Variants in ZNF506 observed in about 807,000 individuals in gnomAD.
The protein encoded by ZNF506 is zinc finger protein 506.
A neutral mutation model predicts 11.6 loss-of-function variants in ZNF506; 10 were observed. The observed-to-expected ratio is 0.86, with a 90% CI of 0.53 to 1.46. ZNF506 has a LOEUF of 1.46. Ranked by LOEUF, ZNF506 falls within the 40% of genes most tolerant of loss-of-function variation. The pLI is 0.00. For synonymous variants in ZNF506, 156 were observed against 173.3 expected (o/e 0.90, Z 0.78); for missense variants, 425 against 521.2 (o/e 0.82, Z 1.80).
intron 1 of ZNF506, among the ~76,000 whole-genome samples, chr19:19,807,652 G>T (rs529146511): frequency 6.6e-6 from 1 of 151,866 alleles, no homozygotes; most frequent in African/African-American, 2.4e-5. Context: ...GATTAGTCAT[G>T]CGCCACCATG....
chr19:19,817,399 C>A (rs1489448335), intron 1 of ZNF506, among the ~76,000 whole-genome samples: 2 of 151,394 alleles, frequency 1.3e-5, no homozygotes, highest in South Asian at 2.1e-4. Flanking sequence ...CCTCTCGTTG[C>A]AATACTTTTT....
Position 19,807,105 on chromosome 19 carries a change from C to G in ZNF506, c.4-37G>C, listed in dbSNP as rs371495099. ...ACACACACTTATTTTTACCAAGTGG[C>G]CATGGGTGGAATTTTTAATTTGACT... On this transcript the variant is annotated intron_variant, in intron 1 of 3. Coordinates refer to ENST00000540806, the MANE Select transcript of ZNF506 (RefSeq NM_001099269.3). The G allele has an allele frequency of 3.7e-6, 6 of 1,609,290 alleles. No homozygotes were observed. The African/African-American group carries it at 8.0e-5, about 22-fold the overall frequency.
intron 1 of ZNF506, among the ~76,000 whole-genome samples, chr19:19,808,703 C>T (rs1361756476): frequency 1.3e-5 from 2 of 151,224 alleles, no homozygotes; most frequent in Admixed American, 6.6e-5. Context: ...ATTAGCCGGG[C>T]GTGGTGGCGG....
chr19:19,818,074 C>T (rs888920859), intron 1 of ZNF506, among the ~76,000 whole-genome samples: 1 of 151,398 alleles, frequency 6.6e-6, no homozygotes, highest in Admixed American at 6.6e-5. Context: ...GTGATCAACC[C>T]CCCTCGGCCT....
intron 1 of ZNF506, among the ~76,000 whole-genome samples, chr19:19,813,817 AAG>A (rs1391691364): frequency 6.6e-6 from 1 of 152,032 alleles, no homozygotes; most frequent in African/African-American, 2.4e-5. Flanking sequence ...AGAAAATACA[AAG>A]AGAAAAACTG....
intron 3 of ZNF506, chr19:19,799,189 G>GT (rs1432521251): frequency 4.6e-5 from 15 of 322,962 alleles, no homozygotes; most frequent in African/African-American, 3.2e-4. Context: ...ATTTGTGCGT[G>GT]TGTGTGTCTC....
At chr19:19,821,528 A>C in intron 1 of ZNF506, 73 bp downstream of exon 1, 23 of 1,602,874 alleles carry the variant, frequency 1.4e-5, no homozygotes, top group Non-Finnish European at 1.7e-5. Context: ...CCACTGCCAC[A>C]GCCACAGCCA....
chr19:19,815,777 T>A (rs549446101), intron 1 of ZNF506, among the ~76,000 whole-genome samples: 22 of 152,362 alleles, frequency 1.4e-4, no homozygotes, highest in African/African-American at 5.3e-4. Context: ...TCTGAGCTAC[T>A]GTTTAAAACC....
At chr19:19,814,128 G>GC (rs1232888033) in intron 1 of ZNF506, among the ~76,000 whole-genome samples, 1 of 152,030 alleles carries the variant, frequency 6.6e-6, no homozygotes, top group African/African-American at 2.4e-5. Flanking sequence ...AAATGCAGAG[G>GC]CTGCGTGTGA....
intron 1 of ZNF506, among the ~76,000 whole-genome samples, chr19:19,815,361 G>A (rs1212791608): frequency 6.6e-6 from 1 of 152,210 alleles, no homozygotes; most frequent in African/African-American, 2.4e-5. Flanking sequence ...AATGTCTAGT[G>A]TGTGTGTTCG....
intron 1 of ZNF506, chr19:19,820,411 C>G (rs2062959767): frequency 1.3e-5 from 2 of 151,842 alleles, no homozygotes; most frequent in East Asian, 2.0e-4. Context: ...AACTACCTAA[C>G]TAGGCTGGGC....
intron 1 of ZNF506, chr19:19,820,243 G>C (rs968448772): frequency 5.9e-5 from 9 of 152,098 alleles, no homozygotes; most frequent in African/African-American, 2.2e-4. Flanking sequence ...CTAGTCCCCA[G>C]ATTCCCACTT....
In ZNF506 at chr19:19,801,568, A is replaced by G. The variant is rs533267730; in HGVS notation, c.226+4463T>C. Among the ~76,000 whole-genome samples, 175 of 152,126 alleles carry G rather than the reference A, an allele frequency of 1.2e-3. 1 individual carries two copies. The highest frequency in any genetic ancestry group is 4.1e-3 in the African/African-American group (171 of 41,494). On this transcript the variant is annotated intron_variant, in intron 3 of 3. Transcript: ENST00000540806. ...CACTTTGGGAGGCTCAGGAGGGTAGATCACCTGAGGTCAAGAGTTTGAGAT... is the reference window on the plus strand; with the variant it reads ...CACTTTGGGAGGCTCAGGAGGGTAGGTCACCTGAGGTCAAGAGTTTGAGAT...
Position 19,806,985 on chromosome 19 carries a change from A to C in ZNF506, c.87T>G (p.Tyr29Ter), listed in dbSNP as rs751868492. Residue 29 changes from tyrosine to a stop codon, truncating the protein, a stop_gained, in exon 2 of 4, where the codon TAT becomes TAG. Transcript: ENST00000540806. LOFTEE classifies it high-confidence loss of function. Reference protein sequence around the residue: ...HCLDAAQRNLYRDVMLENYRN... With the variant: ...HCLDAAQRNL Reference sequence around the variant, plus strand: ...TGTAGTTCTCTAACATCACATCCCTATATAGATTCCGCTGTGCAGCGTCCA... The same window carrying C: ...TGTAGTTCTCTAACATCACATCCCTCTATAGATTCCGCTGTGCAGCGTCCA... 1 of 1,614,080 alleles carries C rather than the reference A, an allele frequency of 6.2e-7. No individual in the cohort carries two copies. Among genetic ancestry groups the C allele is most frequent in the Non-Finnish European group, 8.5e-7 (1 of 1,179,964 alleles).
intron 1 of ZNF506, among the ~76,000 whole-genome samples, chr19:19,814,199 C>CG (rs932233367): frequency 6.6e-6 from 1 of 151,086 alleles, no homozygotes; most frequent in African/African-American, 2.4e-5. Context: ...ACATGAGGTG[C>CG]GGAGTTTGAG....
rs1391878673 is a variant in ZNF506, at chr19:19,794,803, C to G, written c.1084G>C (p.Ala362Pro). The G allele has an allele frequency of 6.3e-7, 1 of 1,597,000 alleles. No individual in the cohort carries two copies. The highest frequency in any genetic ancestry group is 8.5e-7 in the Non-Finnish European group (1 of 1,172,780). ...WYSSLSKHKR[A>P]HTGEKPYKCE... ...TTGTAGGGTTTCTCTCCAGTATGAG[C>G]TCTCTTATGTTTAGAGAGGCTTGAG... is the stretch of plus-strand genomic sequence containing the variant. The change falls in exon 4 of 4, where the codon GCT becomes CCT. Residue 362 changes from alanine to proline, a missense_variant. Coordinates refer to ENST00000540806, the MANE Select transcript of ZNF506 (RefSeq NM_001099269.3).
In ZNF506 at chr19:19,795,616, T is replaced by C. The variant is rs1296319455; in HGVS notation, c.271A>G (p.Ile91Val). 2 of 1,541,958 alleles carry C rather than the reference T, an allele frequency of 1.3e-6. No individual in the cohort carries two copies. Among genetic ancestry groups the C allele is most frequent in the East Asian group, 2.3e-5 (1 of 44,364 alleles). Residue 91 changes from isoleucine to valine, a missense_variant, in exon 4 of 4, where the codon ATA becomes GTA. This residue lies in a region of ZNF506 where 226 missense variants were observed against 279.1 expected (regional missense o/e 0.81). Coordinates refer to ENST00000540806, the MANE Select transcript of ZNF506 (RefSeq NM_001099269.3). ...ATCACTTTTTGGAAAGAATCTTTTA[T>C]GCTCTGCTCTGACCAAAGGTCTTGG... ...FAQDLWSEQS[I>V]KDSFQKVILR... is the part of the protein sequence containing the mutation.
chr19:19,809,548 T>A (rs2062867805), intron 1 of ZNF506, among the ~76,000 whole-genome samples: 1 of 152,200 alleles, frequency 6.6e-6, no homozygotes, highest in South Asian at 2.1e-4. Flanking sequence ...GAGAATATGC[T>A]TTAAAGGTGT....
rs546495821 is a variant in ZNF506 at position 19,798,752 on chromosome 19, T to A, written c.227-3092A>T. ...ATGTCAACACAAAAATAAAAAAAACTTAAAAAGGAGAAATTAAGACACAAA... is the reference window on the plus strand; with the variant it reads ...ATGTCAACACAAAAATAAAAAAAACATAAAAAGGAGAAATTAAGACACAAA... On this transcript the variant is annotated intron_variant, in intron 3 of 3. Coordinates refer to ENST00000540806, the MANE Select transcript of ZNF506 (RefSeq NM_001099269.3). 5 of 141,506 alleles carry A rather than the reference T, an allele frequency of 3.5e-5. No homozygotes were observed. The South Asian group carries it at 9.0e-4, about 26-fold the overall frequency. 8.8% of individuals were successfully genotyped at this position (141,506 alleles called of 1,614,324 possible). A position where few individuals can be genotyped will look rare whatever the true frequency, so the allele number is the denominator to read the frequency against.
Sources: allele counts gnomAD v4.1 joint callset (sites outside exome capture counted in the v4.1 genomes callset), GRCh38; gene constraint gnomAD v4.1.1; regional missense constraint gnomAD v4.1.1; transcripts MANE v1.5; gene names NCBI Gene and HGNC (gene_info 2026-07-23, HGNC 2026-07-21).